The following TEK variants were observed in gnomAD, a reference collection of about 807,000 sequenced individuals.
TEK encodes the protein TEK receptor tyrosine kinase, also known as angiopoietin-1 receptor.
A neutral mutation model predicts 131.8 loss-of-function variants in TEK; 43 were observed. The observed-to-expected ratio is 0.33, with a 90% confidence interval of 0.26 to 0.42. The LOEUF is 0.42. TEK is among the 10% of genes least tolerant of loss of function. TEK has a pLI of 1.00. For missense variants in TEK, 1,162 were observed against 1,384.4 expected (o/e 0.84, Z 2.55); for synonymous variants, 580 against 491.6 (o/e 1.18, Z -2.38).
At chr9:27,175,887 A>T (rs1824152582) in intron 6 of TEK, among the ~76,000 whole-genome samples, 1 of 152,096 alleles carries the variant, frequency 6.6e-6, no homozygotes, top group African/African-American at 2.4e-5. Context: ...TCTGGATATT[A>T]GCCCTTTGTC....
chr9:27,214,730 G>A (rs943160956), intron 18 of TEK, among the ~76,000 whole-genome samples: 3 of 151,996 alleles, frequency 2.0e-5, no homozygotes, highest in Admixed American at 1.3e-4. Context: ...AATCATTTTG[G>A]ATCTTTCCAC....
chr9:27,146,768 C>T (rs1822935470), intron 1 of TEK, among the ~76,000 whole-genome samples: 1 of 127,696 alleles, frequency 7.8e-6, no homozygotes, highest in Admixed American at 9.8e-5. Flanking sequence ...CTTGCTCTGT[C>T]TCCCAGGCTG....
chr9:27,156,569 A>C (rs1354698644), intron 1 of TEK, among the ~76,000 whole-genome samples: 1 of 152,134 alleles, frequency 6.6e-6, no homozygotes, highest in African/African-American at 2.4e-5. Context: ...TTGAGGTAGG[A>C]AAGAGTATCT....
intron 7 of TEK, 123 bp downstream of exon 7, chr9:27,180,491 G>A: frequency 1.4e-6 from 2 of 1,394,384 alleles, no homozygotes; most frequent in South Asian, 2.5e-5. Flanking sequence ...TCCAGAAGTT[G>A]GGAATAGTTT....
intron 1 of TEK, among the ~76,000 whole-genome samples, chr9:27,141,060 A>T (rs975574728): frequency 3.3e-5 from 5 of 152,244 alleles, no homozygotes; most frequent in Admixed American, 1.3e-4. Flanking sequence ...ATGTTCCACA[A>T]GCATCATCTT....
intron 1 of TEK, among the ~76,000 whole-genome samples, chr9:27,123,173 A>G (rs975091762): frequency 2.0e-5 from 3 of 149,908 alleles, no homozygotes; most frequent in Admixed American, 6.6e-5. Flanking sequence ...GCTTGGGCTT[A>G]GGAGAAAGTG....
At chr9:27,118,463 A>G (rs1326174579) in intron 1 of TEK, among the ~76,000 whole-genome samples, 5 of 152,082 alleles carry the variant, frequency 3.3e-5, no homozygotes, top group Non-Finnish European at 1.5e-5. Flanking sequence ...AGGGAGACCC[A>G]TCTCTACAAA....
At chr9:27,212,397 T>C (rs991272697) in intron 16 of TEK, among the ~76,000 whole-genome samples, 1 of 152,176 alleles carries the variant, frequency 6.6e-6, no homozygotes, top group Non-Finnish European at 1.5e-5. Flanking sequence ...AAGAGCATGC[T>C]TTGACTCACT....
intron 1 of TEK, among the ~76,000 whole-genome samples, chr9:27,137,915 T>G (rs544097470): frequency 6.6e-6 from 1 of 152,266 alleles, no homozygotes; most frequent in South Asian, 2.1e-4. Flanking sequence ...TTACAGTTCT[T>G]AAAGATGGTG....
chr9:27,225,663 G>C (rs1826293368), intron 21 of TEK, among the ~76,000 whole-genome samples: 3 of 152,310 alleles, frequency 2.0e-5, no homozygotes, highest in South Asian at 4.1e-4. Flanking sequence ...ATACCATTCA[G>C]GACATAGGCA....
intron 14 of TEK, among the ~76,000 whole-genome samples, 166 bp from the exon 15 acceptor site, chr9:27,206,416 G>C (rs1825401815): frequency 6.6e-6 from 1 of 152,220 alleles, no homozygotes; most frequent in African/African-American, 2.4e-5. Context: ...TGGGCAGCTG[G>C]TTTATCAGGG....
rs536695694 is a variant in TEK at position 27,164,468 on chromosome 9, C to T, written c.365-4027C>T. Among the ~76,000 whole-genome samples the T allele has an allele frequency of 3.8e-4, 57 of 151,892 alleles. 1 individual carries two copies. The highest frequency in any genetic ancestry group is 1.1e-3 in the African/African-American group (47 of 41,414). On this transcript the variant is annotated intron_variant, in intron 2 of 22. Coordinates refer to ENST00000380036, the MANE Select transcript of TEK (RefSeq NM_000459.5). Reference sequence around the variant, plus strand: ...CTGAGTAGCTGGGACTACAGGCGCCCGCTACCACGCCCGGCTAATTTTTTG... The same window carrying T: ...CTGAGTAGCTGGGACTACAGGCGCCTGCTACCACGCCCGGCTAATTTTTTG...
chr9:27,172,323 A>C (rs1422533104), intron 4 of TEK, among the ~76,000 whole-genome samples: 1 of 152,050 alleles, frequency 6.6e-6, no homozygotes, highest in Non-Finnish European at 1.5e-5. Flanking sequence ...CTTCTTTGCT[A>C]CTTAGTTGGT....
chr9:27,179,367 T>C (rs1824280728), intron 6 of TEK, among the ~76,000 whole-genome samples: 1 of 152,232 alleles, frequency 6.6e-6, no homozygotes, highest in African/African-American at 2.4e-5. Context: ...ATATCTTCTT[T>C]TACCTTACTG....
chr9:27,228,914 T>C (rs1826446821), intron 22 of TEK, among the ~76,000 whole-genome samples: 1 of 152,046 alleles, frequency 6.6e-6, no homozygotes, highest in Admixed American at 6.6e-5. Flanking sequence ...AATAAGACAC[T>C]GTGAGAAAGG....
intron 1 of TEK, among the ~76,000 whole-genome samples, chr9:27,124,051 G>A (rs901098560): frequency 1.3e-5 from 2 of 152,240 alleles, no homozygotes; most frequent in Non-Finnish European, 1.5e-5. Flanking sequence ...TGCCGGGTGG[G>A]TGGCGTGAGC....
At chr9:27,112,053 A>G (rs1370014966) in intron 1 of TEK, among the ~76,000 whole-genome samples, 1 of 152,088 alleles carries the variant, frequency 6.6e-6, no homozygotes, top group East Asian at 1.9e-4. Context: ...GTGCGCCACC[A>G]TGCCTGGCTA....
intron 1 of TEK, among the ~76,000 whole-genome samples, chr9:27,114,446 C>G (rs529175946): frequency 2.6e-5 from 4 of 152,094 alleles, no homozygotes; most frequent in Non-Finnish European, 5.9e-5. Flanking sequence ...TGGCATGTGC[C>G]TGTAATCCCA....
At chr9:27,120,946 G>A (rs897854788) in intron 1 of TEK, among the ~76,000 whole-genome samples, 3 of 152,186 alleles carry the variant, frequency 2.0e-5, no homozygotes, top group Admixed American at 6.5e-5. Flanking sequence ...GGTTTTGCCC[G>A]CTGGACTATG....
Sources: allele counts gnomAD v4.1 joint callset (sites outside exome capture counted in the v4.1 genomes callset), GRCh38; gene constraint gnomAD v4.1.1; transcripts MANE v1.5; gene names NCBI Gene and HGNC (gene_info 2026-07-23, HGNC 2026-07-21).